The following WBP2NL variants were observed in gnomAD, a reference collection of about 807,000 sequenced individuals.
WBP2NL encodes the protein WBP2 N-terminal like.
In WBP2NL, 27 loss-of-function variants were observed where a neutral mutation model predicts 23.3. The ratio of observed to expected loss-of-function variants is 1.16; its 90% CI spans 0.85 to 1.60. The LOEUF is 1.60. WBP2NL is among the 40% of genes most tolerant of loss of function. WBP2NL has a pLI of 0.00. For synonymous variants in WBP2NL, 151 were observed against 145.9 expected (o/e 1.03, Z -0.25); for missense variants, 370 against 389.5 (o/e 0.95, Z 0.42).
At chr22:42,055,788 T>A (rs1482940512) in intron 8 of WBP2NL, among the ~76,000 whole-genome samples, 1 of 152,228 alleles carries the variant, frequency 6.6e-6, no homozygotes, top group African/African-American at 2.4e-5. Flanking sequence ...TATAAAATCT[T>A]TTGGATCTAG....
At chr22:42,036,488 T>A (rs1216910559), downstream of WBP2NL, among the ~76,000 whole-genome samples, 1 of 152,276 alleles carries the variant, frequency 6.6e-6, no homozygotes, top group Non-Finnish European at 1.5e-5. Flanking sequence ...GTTCTATTTT[T>A]AATTTTTTGG....
At chr22:42,039,015 C>T (rs1375300486) in intron 8 of WBP2NL, among the ~76,000 whole-genome samples, 1 of 152,024 alleles carries the variant, frequency 6.6e-6, no homozygotes, top group Non-Finnish European at 1.5e-5. Context: ...AGGTGATCCT[C>T]CTGCCTCAGC....
At chr22:42,029,374 A>G (rs1327096751), downstream of WBP2NL, among the ~76,000 whole-genome samples, 3 of 148,100 alleles carry the variant, frequency 2.0e-5, no homozygotes, top group East Asian at 2.0e-4. Context: ...TATATTTTCT[A>G]TGCATTTTTT....
intron 1 of WBP2NL, among the ~76,000 whole-genome samples, chr22:42,019,060 A>G (rs1204353819): frequency 1.3e-5 from 2 of 152,016 alleles, no homozygotes; most frequent in Non-Finnish European, 2.9e-5. Flanking sequence ...TCTCTACAAA[A>G]ATACAAAAAA....
chr22:42,011,523 G>T (rs1922817500), intron 1 of WBP2NL, among the ~76,000 whole-genome samples: 2 of 152,146 alleles, frequency 1.3e-5, no homozygotes, highest in African/African-American at 2.4e-5. Flanking sequence ...AAAGTGCTGG[G>T]ATTAAAGGCA....
intron 1 of WBP2NL, among the ~76,000 whole-genome samples, chr22:42,012,188 A>G (rs992631578): frequency 3.3e-5 from 5 of 150,576 alleles, no homozygotes; most frequent in African/African-American, 9.8e-5. Flanking sequence ...TTTTTTTCTT[A>G]TTTTTTTCTA....
rs1181178579 is a variant in WBP2NL at position 42,022,332 on chromosome 22, T to G, written c.490T>G (p.Cys164Gly). 1.1e-5 allele frequency: 17 copies of G among 1,613,904 alleles called. No individual in the cohort carries two copies. The highest frequency in any genetic ancestry group is 1.1e-5 in the Non-Finnish European group (13 of 1,179,892). ...IYVITGEGNMCTPQMPCSVIV... is the reference protein window; with the variant it reads ...IYVITGEGNMGTPQMPCSVIV... The stretch of plus-strand genomic sequence containing the variant: ...TGTAATTACTGGGGAAGGGAATATG[T>G]GCACTCCACAGATGCCTTGTTCAGG... The change falls in exon 5 of 6, where the codon TGC becomes GGC. Residue 164 changes from cysteine (C) to glycine (G), a missense_variant. Transcript: ENST00000328823.
chr22:42,043,493 G>A (rs1925473355), intron 8 of WBP2NL, among the ~76,000 whole-genome samples: 1 of 152,142 alleles, frequency 6.6e-6, no homozygotes, highest in African/African-American at 2.4e-5. Context: ...AGTAGGGGCT[G>A]GAGTCAACTC....
At chr22:42,029,993 T>C (rs1344797912), downstream of WBP2NL, 1 of 152,226 alleles carries the variant, frequency 6.6e-6, no homozygotes, top group Non-Finnish European at 1.5e-5. Flanking sequence ...GATGCTCCCA[T>C]GTTCTCAAGG....
chr22:42,043,036 AAAAG>A (rs1925454610), intron 8 of WBP2NL, among the ~76,000 whole-genome samples: 2 of 151,510 alleles, frequency 1.3e-5, no homozygotes, highest in Admixed American at 6.6e-5. Context: ...AAAAAAAAAA[AAAAG>A]GAGAAGAAGC....
intron 1 of WBP2NL, among the ~76,000 whole-genome samples, chr22:42,014,941 G>T (rs1923170300): frequency 6.6e-6 from 1 of 152,066 alleles, no homozygotes; most frequent in African/African-American, 2.4e-5. Flanking sequence ...TTAAAGTGTT[G>T]TCTGATAAAT....
chr22:42,032,773 A>G (rs908249549), downstream of WBP2NL: 1 of 470,166 alleles, frequency 2.1e-6, no homozygotes, highest in Non-Finnish European at 4.4e-6. Context: ...TCCTAAATGG[A>G]TTAGAAAGAA....
rs1925251954 is a variant in WBP2NL at position 42,037,945 on chromosome 22, C to T, written c.*273+7122C>T. Among the ~76,000 whole-genome samples, 3 of 151,070 alleles carry T rather than the reference C, an allele frequency of 2.0e-5. No individual in the cohort carries two copies. In the Admixed American group the frequency reaches 2.0e-4, roughly 10 times the overall value. On this transcript the variant is annotated intron_variant and NMD_transcript_variant, in intron 8 of 8. Transcript: ENST00000436265. ...CATGCAAAAATAATCTTACTTTTTC[C>T]TTTCTGACTTGGAAGCCTCTGTTTT...
At chr22:42,005,479 A>G (rs1282844322) in intron 1 of WBP2NL, among the ~76,000 whole-genome samples, 3 of 146,940 alleles carry the variant, frequency 2.0e-5, no homozygotes, top group African/African-American at 7.6e-5. Context: ...TCGCTACTGC[A>G]TTCCAGCCTG....
chr22:42,026,700 C>G, intron 5 of WBP2NL, 66 bp from the exon 6 acceptor site: 2 of 1,553,730 alleles, frequency 1.3e-6, no homozygotes, highest in Non-Finnish European at 1.7e-6. Flanking sequence ...TTTTTAAGTT[C>G]TTCCTTCTCA....
intron 5 of WBP2NL, 119 bp downstream of exon 5, chr22:42,022,475 A>C (rs1045163448): frequency 1.6e-5 from 14 of 881,670 alleles, no homozygotes; most frequent in Non-Finnish European, 2.3e-5. Flanking sequence ...GGGGCTTGGA[A>C]AATGGTCACA....
At chr22:42,028,824 G>T (rs1924724655), downstream of WBP2NL, among the ~76,000 whole-genome samples, 1 of 152,210 alleles carries the variant, frequency 6.6e-6, no homozygotes, top group African/African-American at 2.4e-5. Context: ...TACATCACTG[G>T]CTGGAGAGCC....
At chr22:42,012,353 A>G (rs1047150205) in intron 1 of WBP2NL, among the ~76,000 whole-genome samples, 1 of 152,120 alleles carries the variant, frequency 6.6e-6, no homozygotes, top group Non-Finnish European at 1.5e-5. Context: ...CTGCAGCTAT[A>G]AACATCTTAG....
intron 8 of WBP2NL, among the ~76,000 whole-genome samples, chr22:42,042,490 C>T (rs1925432856): frequency 6.6e-6 from 1 of 152,102 alleles, no homozygotes; most frequent in African/African-American, 2.4e-5. Flanking sequence ...TTCTTCAGCT[C>T]CAGAATGTTT....
Sources: gnomAD v4.1 joint callset for allele counts (sites outside exome capture counted in the v4.1 genomes callset) on GRCh38, gnomAD v4.1.1 for gene constraint, MANE v1.5 for transcripts, NCBI Gene and HGNC (gene_info 2026-07-23, HGNC 2026-07-21) for gene names.